The following GNG12 variants were observed in gnomAD, a reference collection of about 807,000 sequenced individuals.
GNG12 encodes G protein subunit gamma 12.
For missense variants in GNG12, 69 were observed against 83.8 expected (o/e 0.82, Z 0.69); for synonymous variants, 28 against 29.7 (o/e 0.94, Z 0.19).
At chr1:67,817,310 A>G (rs1209677355) in intron 1 of GNG12, among the ~76,000 whole-genome samples, 1 of 152,204 alleles carries the variant, frequency 6.6e-6, no homozygotes, top group Non-Finnish European at 1.5e-5. Flanking sequence ...TTATGTATAC[A>G]ATCTCAAGTG....
At chr1:67,708,175 G>T (rs946139666) in intron 2 of GNG12, among the ~76,000 whole-genome samples, 1 of 152,216 alleles carries the variant, frequency 6.6e-6, no homozygotes, top group African/African-American at 2.4e-5. Flanking sequence ...GCTGATCAAA[G>T]ACTTGGCAAC....
intron 2 of GNG12, among the ~76,000 whole-genome samples, chr1:67,709,124 G>T (rs1479942160): frequency 6.6e-6 from 1 of 152,224 alleles, no homozygotes; most frequent in East Asian, 1.9e-4. Context: ...TTTTAACTGT[G>T]TGCAAAATTT....
In GNG12 at chr1:67,710,194, A is replaced by ATATATATATAGT. The variant is rs761637835; in HGVS notation, c.-26-2494_-26-2483dup. Among the ~76,000 whole-genome samples the ATATATATATAGT allele has an allele frequency of 1.9e-4, 3 of 15,450 alleles. 1 individual carries two copies. The highest frequency in any genetic ancestry group is 3.1e-4 in the Non-Finnish European group (2 of 6,484). The allele number at this position is 15,450 out of a possible 152,430, so 10.1% of individuals were successfully genotyped here. A position where few individuals can be genotyped will look rare whatever the true frequency, so the allele number is the denominator to read the frequency against. The stretch of plus-strand genomic sequence containing the variant: ...TATATATATAGTTATATATATAGTT[A>ATATATATATAGT]TATATATATAGTTATATATATAGTT... On this transcript the variant is annotated intron_variant, in intron 2 of 3. Transcript: ENST00000370982.
intron 2 of GNG12, among the ~76,000 whole-genome samples, chr1:67,758,812 A>G (rs1646585080): frequency 6.6e-6 from 1 of 152,190 alleles, no homozygotes; most frequent in Non-Finnish European, 1.5e-5. Context: ...ACAAAAAGTT[A>G]GGAGTGATGT....
rs1432333965 is a variant in GNG12 at position 67,705,058 on chromosome 1, A to G, written c.*393T>C. ...TGGCACACGCCTTATAAAGAATATA[A>G]TATCAAGGCTTTAGGATTTCAATGA... On this transcript the variant is annotated 3_prime_UTR_variant, in exon 4 of 4. Coordinates refer to ENST00000370982, the MANE Select transcript of GNG12 (RefSeq NM_018841.6). 6.0e-6 allele frequency: 1 copy of G among 166,182 alleles called. No homozygotes were observed. The highest frequency in any genetic ancestry group is 1.3e-5 in the Non-Finnish European group (1 of 77,338). 10.3% of individuals were successfully genotyped at this position (166,182 alleles called of 1,614,324 possible).
intron 2 of GNG12, among the ~76,000 whole-genome samples, chr1:67,730,365 G>A (rs1170253062): frequency 1.3e-5 from 2 of 152,162 alleles, no homozygotes; most frequent in Non-Finnish European, 2.9e-5. Context: ...GCTGGGCATG[G>A]TGGTGCACAT....
chr1:67,767,997 G>A (rs1570530380), intron 2 of GNG12, among the ~76,000 whole-genome samples: 2 of 152,280 alleles, frequency 1.3e-5, no homozygotes, highest in African/African-American at 2.4e-5. Context: ...GGCTGGACTC[G>A]AATTCTTAGG....
intron 2 of GNG12, among the ~76,000 whole-genome samples, chr1:67,764,608 C>T (rs1488688479): frequency 6.6e-6 from 1 of 152,172 alleles, no homozygotes; most frequent in Non-Finnish European, 1.5e-5. Context: ...TGTCTCAACA[C>T]TAGATTAATG....
chr1:67,710,616 C>T (rs773885178), intron 2 of GNG12, among the ~76,000 whole-genome samples: 9 of 152,132 alleles, frequency 5.9e-5, no homozygotes, highest in South Asian at 2.1e-4. Context: ...GTTGGCGAGA[C>T]ACTCAGCATT....
chr1:67,789,047 G>C (rs1000683790), intron 1 of GNG12, among the ~76,000 whole-genome samples: 6 of 152,188 alleles, frequency 3.9e-5, no homozygotes, highest in Non-Finnish European at 7.4e-5. Context: ...GAGGCACACA[G>C]TTCTTGTCCA....
At chr1:67,732,743 C>T (rs1016903618) in intron 2 of GNG12, among the ~76,000 whole-genome samples, 7 of 152,178 alleles carry the variant, frequency 4.6e-5, no homozygotes, top group Admixed American at 1.3e-4. Flanking sequence ...GCCCAAGGTC[C>T]CCCAGGACTA....
At chr1:67,746,096 A>C (rs72684520) in intron 2 of GNG12, among the ~76,000 whole-genome samples, 1 of 152,122 alleles carries the variant, frequency 6.6e-6, no homozygotes, top group Non-Finnish European at 1.5e-5. Flanking sequence ...GTATCATCTG[A>C]CTCCTCTAAA....
At chr1:67,803,572 A>G (rs908965667) in intron 1 of GNG12, among the ~76,000 whole-genome samples, 3 of 152,216 alleles carry the variant, frequency 2.0e-5, no homozygotes, top group Non-Finnish European at 4.4e-5. Flanking sequence ...CTCCTGTGCC[A>G]TATCTATAAT....
chr1:67,780,767 G>A (rs1426805038), intron 1 of GNG12, among the ~76,000 whole-genome samples: 2 of 152,194 alleles, frequency 1.3e-5, no homozygotes, highest in Non-Finnish European at 2.9e-5. Flanking sequence ...GCAACTCGGA[G>A]CAACTCGGAG....
rs1646220440 is a variant in GNG12, at chr1:67,702,279, T to C, written c.*3172A>G. The C allele has an allele frequency of 6.6e-6, 1 of 152,238 alleles. No individual in the cohort carries two copies. The allele number at this position is 152,238 out of a possible 1,614,324, so 9.4% of individuals were successfully genotyped here. On this transcript the variant is annotated 3_prime_UTR_variant, in exon 4 of 4. Transcript: ENST00000370982. ...TTATTTCACTGAGAAATGACTGGCA[T>C]GTACTACGATCATTTTGGGGGCCTA...
chr1:67,793,637 TG>T (rs1279748274), intron 1 of GNG12, among the ~76,000 whole-genome samples: 1 of 152,202 alleles, frequency 6.6e-6, no homozygotes, highest in Non-Finnish European at 1.5e-5. Flanking sequence ...TCTCGGGCTG[TG>T]CAAGTGGCTT....
intron 1 of GNG12, among the ~76,000 whole-genome samples, chr1:67,785,421 C>T (rs138693991): frequency 1.5e-3 from 223 of 152,190 alleles, no homozygotes; most frequent in African/African-American, 5.2e-3. Flanking sequence ...TCAATGAAAC[C>T]ACTCTTCTCT....
chr1:67,727,372 A>C (rs1273500247), intron 2 of GNG12, among the ~76,000 whole-genome samples: 1 of 152,240 alleles, frequency 6.6e-6, no homozygotes, highest in Non-Finnish European at 1.5e-5. Flanking sequence ...GATTCTTTGA[A>C]ACACTTTTAT....
At chr1:67,747,367 G>A (rs113602961) in intron 2 of GNG12, among the ~76,000 whole-genome samples, 4,859 of 152,232 alleles carry the variant, frequency 0.032, 224 homozygotes, top group African/African-American at 0.1. Context: ...TGATCTGCCC[G>A]CCTCAGCCTC....
Sources: gnomAD v4.1 joint callset for allele counts (sites outside exome capture counted in the v4.1 genomes callset) on GRCh38, gnomAD v4.1.1 for gene constraint, MANE v1.5 for transcripts, NCBI Gene and HGNC (gene_info 2026-07-23, HGNC 2026-07-21) for gene names.